The following BABAM2 variants were observed in gnomAD, a reference collection of about 807,000 sequenced individuals.
BABAM2 encodes the protein BRISC and BRCA1 A complex member 2.
In BABAM2, 31 loss-of-function variants were observed where a neutral mutation model predicts 54.7. The ratio of observed to expected loss-of-function variants is 0.57; its 90% CI spans 0.43 to 0.77. The LOEUF (loss-of-function observed/expected upper bound fraction) is 0.77, where lower values mean the gene tolerates loss of function less well. Among genes scored for constraint, BABAM2 ranks in the 30% least tolerant of loss-of-function variants. The pLI is 0.00. For missense variants in BABAM2, 364 were observed against 455.8 expected, an observed-to-expected ratio of 0.80 and a Z score of 1.83; for synonymous variants, 167 against 162.9, an observed-to-expected ratio of 1.03 and a Z score of -0.19.
chr2:27,888,718 A>C (rs979423449), upstream of BABAM2, among the ~76,000 whole-genome samples: 1 of 152,226 alleles, frequency 6.6e-6, no homozygotes, highest in African/African-American at 2.4e-5. Context: ...GATGTCTGCA[A>C]ACTATGGCCT....
chr2:28,086,868 C>A (rs1232043935), intron 6 of BABAM2, among the ~76,000 whole-genome samples: 2 of 152,194 alleles, frequency 1.3e-5, no homozygotes, highest in East Asian at 3.8e-4. Flanking sequence ...TGTATAGAGT[C>A]CACTTCTAAT....
intron 3 of BABAM2, among the ~76,000 whole-genome samples, chr2:27,978,812 G>A (rs1372286604): frequency 1.3e-5 from 2 of 151,896 alleles, no homozygotes; most frequent in Admixed American, 6.6e-5. Flanking sequence ...CCTCAAGTAG[G>A]CCCCAGTGTC....
intron 4 of BABAM2, among the ~76,000 whole-genome samples, chr2:28,013,882 T>A (rs866039732): frequency 2.0e-5 from 3 of 151,984 alleles, no homozygotes; most frequent in African/African-American, 7.3e-5. Flanking sequence ...CCCAAAACAG[T>A]TGAGTTTTTC....
intron 10 of BABAM2, among the ~76,000 whole-genome samples, chr2:28,254,294 G>A (rs1021505418): frequency 3.3e-5 from 5 of 152,102 alleles, no homozygotes; most frequent in Non-Finnish European, 7.4e-5. Context: ...GTGCCACCAT[G>A]ACCAAATAAT....
intron 10 of BABAM2, among the ~76,000 whole-genome samples, chr2:28,295,178 G>A (rs894107593): frequency 6.6e-6 from 1 of 152,052 alleles, no homozygotes; most frequent in African/African-American, 2.4e-5. Context: ...ATTAATACCA[G>A]CAACTCATTT....
At chr2:27,982,352 A>T (rs1672066233) in intron 3 of BABAM2, among the ~76,000 whole-genome samples, 2 of 152,024 alleles carry the variant, frequency 1.3e-5, no homozygotes, top group Admixed American at 6.6e-5. Context: ...ATTTTGATGA[A>T]GTTTAATTTA....
chr2:28,015,600 G>A (rs1307711952), intron 4 of BABAM2, among the ~76,000 whole-genome samples: 1 of 152,098 alleles, frequency 6.6e-6, no homozygotes, highest in African/African-American at 2.4e-5. Context: ...TTCACACAGT[G>A]GCATCTGAGT....
intron 6 of BABAM2, among the ~76,000 whole-genome samples, chr2:28,092,402 T>C (rs750716080): frequency 2.0e-5 from 3 of 152,188 alleles, no homozygotes; most frequent in Non-Finnish European, 4.4e-5. Flanking sequence ...AAATAATTTA[T>C]GGTATTTCTG....
chr2:27,951,885 C>A (rs561930684), intron 3 of BABAM2, among the ~76,000 whole-genome samples: 127 of 152,240 alleles, frequency 8.3e-4, no homozygotes, highest in Admixed American at 1.4e-3. Flanking sequence ...ATACTGCAAT[C>A]TCTGACTATA....
At chr2:28,328,787 C>T (rs1239902294) in intron 11 of BABAM2, among the ~76,000 whole-genome samples, 1 of 152,104 alleles carries the variant, frequency 6.6e-6, no homozygotes, top group African/African-American at 2.4e-5. Flanking sequence ...GGAGCATGAC[C>T]CCTGCCACAC....
At chr2:28,086,957 A>G (rs1418765753) in intron 6 of BABAM2, among the ~76,000 whole-genome samples, 2 of 152,306 alleles carry the variant, frequency 1.3e-5, no homozygotes, top group East Asian at 3.9e-4. Context: ...TACTTGAGCA[A>G]TCTCCTAATC....
At chr2:28,196,309 AG>A (rs1193610790) in intron 7 of BABAM2, among the ~76,000 whole-genome samples, 1 of 149,536 alleles carries the variant, frequency 6.7e-6, no homozygotes, top group East Asian at 1.9e-4. Context: ...CCTGGGCAAC[AG>A]AGCAAGACTC....
intron 6 of BABAM2, among the ~76,000 whole-genome samples, chr2:28,047,884 A>G (rs775762816): frequency 4.9e-4 from 75 of 152,328 alleles, no homozygotes; most frequent in Admixed American, 8.5e-4. Flanking sequence ...ACCTACCAGC[A>G]CACCAGAAGC....
Position 27,936,448 on chromosome 2 carries a change from A to C in BABAM2, c.205+6540A>C, listed in dbSNP as rs1321496954. 2.0e-5 allele frequency among the ~76,000 whole-genome samples: 3 copies of C among 152,236 alleles called. No individual in the cohort carries two copies. The East Asian group carries it at 5.8e-4, about 29-fold the overall frequency. On this transcript the variant is annotated intron_variant, in intron 3 of 11. Transcript: ENST00000379624. The stretch of plus-strand genomic sequence containing the variant: ...TTTGACCCAGCCATCCCATTACTGG[A>C]TATATACCCAAAGGACTATAAATCA...
At chr2:27,987,680 T>G (rs937310766) in intron 3 of BABAM2, among the ~76,000 whole-genome samples, 2 of 151,722 alleles carry the variant, frequency 1.3e-5, no homozygotes, top group South Asian at 2.1e-4. Context: ...CTGGGCATGG[T>G]GACATGTTCC....
intron 10 of BABAM2, among the ~76,000 whole-genome samples, chr2:28,263,166 AGAG>A (rs1374540244): frequency 1.3e-5 from 2 of 150,474 alleles, no homozygotes; most frequent in African/African-American, 4.9e-5. Context: ...GAAAGGAAGG[AGAG>A]GAGGAGAGGG....
At chr2:27,955,906 C>A (rs1239597897) in intron 3 of BABAM2, among the ~76,000 whole-genome samples, 2 of 151,794 alleles carry the variant, frequency 1.3e-5, no homozygotes, top group Non-Finnish European at 1.5e-5. Flanking sequence ...TAATGGGTGA[C>A]CTATGTTGTG....
chr2:28,135,133 G>A (rs1315151637), intron 7 of BABAM2, among the ~76,000 whole-genome samples: 1 of 152,198 alleles, frequency 6.6e-6, no homozygotes, highest in Admixed American at 6.5e-5. Flanking sequence ...AGTGCTATAA[G>A]AGTTCAAGAG....
intron 6 of BABAM2, among the ~76,000 whole-genome samples, chr2:28,063,252 G>A (rs983943075): frequency 6.6e-6 from 1 of 152,102 alleles, no homozygotes; most frequent in Non-Finnish European, 1.5e-5. Flanking sequence ...TCATCACGTG[G>A]GAAAAGACTC....
Sources: gnomAD v4.1 joint callset for allele counts (sites outside exome capture counted in the v4.1 genomes callset) on GRCh38, gnomAD v4.1.1 for gene constraint, MANE v1.5 for transcripts, NCBI Gene and HGNC (gene_info 2026-07-23, HGNC 2026-07-21) for gene names.